DNAH6: variants seen among roughly 807,000 people sequenced by gnomAD.
The protein encoded by DNAH6 is dynein axonemal heavy chain 6.
Under a neutral mutation model 491.4 loss-of-function variants are expected in DNAH6, and 340 were observed. The observed-to-expected ratio is 0.69, with a 90% CI of 0.63 to 0.76. The LOEUF (loss-of-function observed/expected upper bound fraction) is 0.76. DNAH6 is among the 30% of genes least tolerant of loss of function. The probability of loss-of-function intolerance (pLI) is 0.00; values close to 1 mark genes in which losing one functional copy is unlikely to be tolerated. For missense variants in DNAH6, 4,443 were observed against 4,972.2 expected, an observed-to-expected ratio of 0.89 and a Z score of 3.20; for synonymous variants, 1,603 against 1,686.1, an observed-to-expected ratio of 0.95 and a Z score of 1.21.
At chr2:84,687,960 C>T (rs1428072980) in intron 44 of DNAH6, among the ~76,000 whole-genome samples, 1 of 152,162 alleles carries the variant, frequency 6.6e-6, no homozygotes, top group African/African-American at 2.4e-5. Context: ...CCAGGTCGGG[C>T]GCAGTGTCTC....
intron 75 of DNAH6, 103 bp downstream of exon 75, chr2:84,814,225 CA>C: frequency 8.0e-7 from 1 of 1,255,942 alleles, no homozygotes; most frequent in East Asian, 2.6e-5. Context: ...CTCCCATTGG[CA>C]GGAGCAGGAA....
intron 42 of DNAH6, among the ~76,000 whole-genome samples, chr2:84,682,231 G>A (rs1175740469): frequency 1.3e-5 from 2 of 152,140 alleles, no homozygotes; most frequent in African/African-American, 2.4e-5. Context: ...AGCTCTCAGC[G>A]GCACCTTAAC....
chr2:84,730,931 C>G (rs1699068021), intron 61 of DNAH6, among the ~76,000 whole-genome samples: 1 of 152,134 alleles, frequency 6.6e-6, no homozygotes, highest in Admixed American at 6.5e-5. Context: ...TATCTAGGAT[C>G]AAGATGTAAC....
intron 70 of DNAH6, among the ~76,000 whole-genome samples, chr2:84,799,743 C>T (rs1289110673): frequency 6.6e-6 from 1 of 152,200 alleles, no homozygotes; most frequent in East Asian, 1.9e-4. Context: ...TCCACCAAAG[C>T]CCCACTTGGG....
Position 84,659,063 on chromosome 2 carries a change from T to A in DNAH6, c.5978T>A (p.Phe1993Tyr). 1 of 1,486,052 alleles carries A rather than the reference T, an allele frequency of 6.7e-7. No homozygotes were observed. Among genetic ancestry groups the A allele is most frequent in the Non-Finnish European group, 9.1e-7 (1 of 1,093,090 alleles). 92.1% of individuals were successfully genotyped at this position (1,486,052 alleles called of 1,614,324 possible). A position where few individuals can be genotyped will look rare whatever the true frequency, so the allele number is the denominator to read the frequency against. ...TTGAACACTATACTATGTCAGACTT[T>A]TGTATTCTGTTATTTGTGGTCTTTG... The part of the protein sequence containing the change: ...TKLNTILCQT[F>Y]VFCYLWSLGG... The change falls in exon 37 of 77, where the codon TTT (phenylalanine) becomes TAT (tyrosine). Residue 1993 changes from phenylalanine to tyrosine, a missense_variant. Around this residue, in one of 3 missense-constraint regions of DNAH6, gnomAD observed 2,977 missense variants for 3,296.6 expected, o/e 0.90. Transcript: ENST00000389394.
At chr2:84,612,461 C>A (rs1342817936) in intron 22 of DNAH6, among the ~76,000 whole-genome samples, 1 of 152,126 alleles carries the variant, frequency 6.6e-6, no homozygotes, top group South Asian at 2.1e-4. Context: ...CAGGAAACAG[C>A]AGCACATGGC....
In DNAH6 at chr2:84,595,992, G is replaced by T. The variant is rs528955724; in HGVS notation, c.2868+203G>T. On this transcript the variant is annotated intron_variant, in intron 18 of 76. Transcript: ENST00000389394. ...CCAAATCATGCAGTTGAATACTGTGGTTAGGAGGGGCATTCAGAGTGTTTC... is the reference window on the plus strand; with the variant it reads ...CCAAATCATGCAGTTGAATACTGTGTTTAGGAGGGGCATTCAGAGTGTTTC... 9.2e-5 allele frequency among the ~76,000 whole-genome samples: 14 copies of T among 152,164 alleles called. 1 individual carries two copies. Among genetic ancestry groups the T allele is most frequent in the Non-Finnish European group, 5.9e-5 (4 of 68,016 alleles).
At chr2:84,795,320 T>TAATAAAATAA in intron 68 of DNAH6, among the ~76,000 whole-genome samples, 1 of 151,980 alleles carries the variant, frequency 6.6e-6, no homozygotes, top group South Asian at 2.1e-4. Context: ...AGTGTAATAA[T>TAATAAAATAA]AATAAAATAA....
intron 61 of DNAH6, among the ~76,000 whole-genome samples, chr2:84,731,605 G>C (rs1410565049): frequency 6.6e-6 from 1 of 152,186 alleles, no homozygotes; most frequent in African/African-American, 2.4e-5. Context: ...CTATAAAACA[G>C]ATAGTTCCTT....
chr2:84,784,728 C>T lies in DNAH6; in HGVS notation c.10871C>T (p.Ala3624Val). 1 of 1,545,860 alleles carries T rather than the reference C, an allele frequency of 6.5e-7. No individual in the cohort carries two copies. ...TTATCTTTGTTTTAAGCAGATAGTG[C>T]TATCAAGGACACTTTTCGACTTTTT... is the stretch of plus-strand genomic sequence containing the variant. ...LIKTFTDPDS[A>V]IKDTFRLFLS... The change falls in exon 66 of 77, where the codon GCT (alanine) becomes GTT (valine). Residue 3624 changes from alanine to valine, a missense_variant. Transcript: ENST00000389394.
chr2:84,542,252 A>C (rs575194711), intron 4 of DNAH6, among the ~76,000 whole-genome samples: 5 of 152,318 alleles, frequency 3.3e-5, no homozygotes, highest in African/African-American at 9.6e-5. Flanking sequence ...TTGATGCCTG[A>C]TGTTAATGAA....
chr2:84,496,683 A>G, the DNAH6 span, among the ~76,000 whole-genome samples: 1 of 152,242 alleles, frequency 6.6e-6, no homozygotes, highest in Admixed American at 6.5e-5. Flanking sequence ...TAATACTAGA[A>G]ATATAATTTT....
At chr2:84,798,527 C>G (rs546331330) in intron 70 of DNAH6, among the ~76,000 whole-genome samples, 3 of 152,330 alleles carry the variant, frequency 2.0e-5, no homozygotes, top group Admixed American at 2.0e-4. Context: ...TCCCCCAAAG[C>G]TCTCCATGTT....
intron 35 of DNAH6, 30 bp downstream of exon 35, chr2:84,654,812 TCC>T (rs1690790747): frequency 6.5e-7 from 1 of 1,548,522 alleles, no homozygotes; most frequent in African/African-American, 1.4e-5. Context: ...CCCCAATATC[TCC>T]ATCTGTCAGG....
the DNAH6 span, among the ~76,000 whole-genome samples, chr2:84,508,570 G>A: frequency 3.3e-5 from 5 of 151,998 alleles, no homozygotes; most frequent in African/African-American, 1.2e-4. Flanking sequence ...ATTTCCTTTA[G>A]TTCTGCTCTG....
intron 16 of DNAH6, among the ~76,000 whole-genome samples, chr2:84,593,175 T>G (rs1208354408): frequency 6.6e-6 from 1 of 152,200 alleles, no homozygotes; most frequent in Non-Finnish European, 1.5e-5. Context: ...GTCTTCCTCC[T>G]TCCATCTTCC....
intron 62 of DNAH6, among the ~76,000 whole-genome samples, chr2:84,739,081 CT>C (rs1672269800): frequency 6.6e-6 from 1 of 152,160 alleles, no homozygotes; most frequent in African/African-American, 2.4e-5. Context: ...TTTATTTCTC[CT>C]TCATTTATGA....
chr2:84,492,269 G>C, the DNAH6 span, among the ~76,000 whole-genome samples: 1 of 152,186 alleles, frequency 6.6e-6, no homozygotes, highest in Non-Finnish European at 1.5e-5. Flanking sequence ...TGTGCCTACT[G>C]TCCCTTAGAG....
At chr2:84,771,060 A>G (rs1275744821) in intron 64 of DNAH6, among the ~76,000 whole-genome samples, 1 of 152,014 alleles carries the variant, frequency 6.6e-6, no homozygotes, top group African/African-American at 2.4e-5. Context: ...AGGCCAAGGT[A>G]GGTGGATCAC....
Sources: allele counts gnomAD v4.1 joint callset (sites outside exome capture counted in the v4.1 genomes callset), GRCh38; gene constraint gnomAD v4.1.1; regional missense constraint gnomAD v4.1.1; transcripts MANE v1.5; gene names NCBI Gene and HGNC (gene_info 2026-07-23, HGNC 2026-07-21).